Variants in PRSS16 observed in about 807,000 individuals in gnomAD.
PRSS16 encodes thymus-specific serine protease.
In PRSS16, 43 loss-of-function variants were observed where a neutral mutation model predicts 61.7. That is an observed-to-expected ratio of 0.70 (90% CI 0.55 to 0.90). The LOEUF is 0.90. Among genes scored for constraint, PRSS16 ranks in the 40% least tolerant of loss-of-function variants. The probability of loss-of-function intolerance (pLI) is 0.00; values close to 1 mark genes in which losing one functional copy is unlikely to be tolerated. For missense variants in PRSS16, 591 were observed against 659.1 expected, an observed-to-expected ratio of 0.90 and a Z score of 1.13; for synonymous variants, 273 against 285.2, an observed-to-expected ratio of 0.96 and a Z score of 0.43.
Position 27,252,161 on chromosome 6 carries a change from T to C in PRSS16, c.1008+121T>C. 1 of 1,214,760 alleles carries C rather than the reference T, an allele frequency of 8.2e-7. No homozygotes were observed. The highest frequency in any genetic ancestry group is 1.1e-6 in the Non-Finnish European group (1 of 906,318). The allele number at this position is 1,214,760 out of a possible 1,614,324, so 75.2% of individuals were successfully genotyped here. On this transcript the variant is annotated intron_variant, in intron 8 of 11. Coordinates refer to ENST00000230582, the MANE Select transcript of PRSS16 (RefSeq NM_005865.4). The surrounding 1 kb of genome is among the most constrained non-coding windows in gnomAD (Gnocchi z 4.2). The stretch of plus-strand genomic sequence containing the variant: ...AAACTTCGTTTTCTCATCTGTAAAA[T>C]GGGGATAACACTTCACAGGGCCGAT...
In PRSS16 at chr6:27,251,922, A is replaced by C; in HGVS notation, c.890A>C (p.Gln297Pro). Reference sequence around the variant, plus strand: ...CAGGCACTGGTGGGAGGTGTAGTGCAGTATGATGGGCAGACGGGAGCGCCG... The same window carrying C: ...CAGGCACTGGTGGGAGGTGTAGTGCCGTATGATGGGCAGACGGGAGCGCCG... ...ALQALVGGVVQYDGQTGAPLS... is the reference protein window; with the variant it reads ...ALQALVGGVVPYDGQTGAPLS... The change falls in exon 8 of 12, where the codon CAG becomes CCG. Residue 297 changes from glutamine to proline, a missense_variant. Coordinates refer to ENST00000230582, the MANE Select transcript of PRSS16 (RefSeq NM_005865.4). This position sits in a 1 kb window ranked among gnomAD's most constrained non-coding sequence, Gnocchi z 5.6. The C allele has an allele frequency of 6.2e-7, 1 of 1,612,710 alleles. No homozygotes were observed. Among genetic ancestry groups the C allele is most frequent in the East Asian group, 2.2e-5 (1 of 44,754 alleles).
chr6:27,254,898 G>A, intron 10 of PRSS16, 26 bp downstream of exon 10: 1 of 1,612,584 alleles, frequency 6.2e-7, no homozygotes, highest in East Asian at 2.2e-5. Flanking sequence ...AAACCTGGCT[G>A]CTAAGCCTCC....
At position 27,251,607 on chromosome 6, in the gene PRSS16, G is replaced by A; in HGVS notation, c.718-143G>A. 9.2e-7 allele frequency: 1 copy of A among 1,083,610 alleles called. No homozygotes were observed. The highest frequency in any genetic ancestry group is 2.8e-5 in the East Asian group (1 of 36,202). The allele number at this position is 1,083,610 out of a possible 1,614,324, so 67.1% of individuals were successfully genotyped here. ...GGATTGGGGGCGGGGGCCTGGGGGC[G>A]GGGGCCTGGGCCAAGAGCTAGGTCT... On this transcript the variant is annotated intron_variant, in intron 7 of 11. Coordinates refer to ENST00000230582, the MANE Select transcript of PRSS16 (RefSeq NM_005865.4). The surrounding 1 kb of genome is among the most constrained non-coding windows in gnomAD (Gnocchi z 5.6).
intron 2 of PRSS16, 89 bp downstream of exon 2, chr6:27,248,137 T>C: frequency 7.1e-7 from 1 of 1,403,818 alleles, no homozygotes; most frequent in Non-Finnish European, 9.6e-7. Flanking sequence ...TTTTTCTCTC[T>C]CCACACCTCA....
Position 27,252,858 on chromosome 6 carries a change from G to T in PRSS16, c.1059G>T (p.Glu353Asp). 5 of 1,614,162 alleles carry T rather than the reference G, an allele frequency of 3.1e-6. No homozygotes were observed. Among genetic ancestry groups the T allele is most frequent in the Non-Finnish European group, 4.2e-6 (5 of 1,180,042 alleles). ...GQKCLSFSRAETVAQLRSTEP... is the reference protein window; with the variant it reads ...GQKCLSFSRADTVAQLRSTEP... ...AGTGTTTAAGCTTTTCCCGAGCAGA[G>T]ACAGTGGCACAGCTGAGGAGCACAG... The change falls in exon 9 of 12, where the codon GAG (glutamate) becomes GAT (aspartate). Residue 353 changes from glutamate to aspartate, a missense_variant. Transcript: ENST00000230582. The surrounding 1 kb of genome is among the most constrained non-coding windows in gnomAD (Gnocchi z 4.2).
rs1432788303 is a variant in PRSS16 at position 27,252,829 on chromosome 6, C to T, written c.1030C>T (p.Gln344Ter). 4 of 1,614,034 alleles carry T rather than the reference C, an allele frequency of 2.5e-6. No homozygotes were observed. The South Asian group carries it at 4.4e-5, about 18-fold the overall frequency. ...CTAGATTGTCTTGCACAGCCTGGGC[C>T]AGAAGTGTTTAAGCTTTTCCCGAGC... ...AVQIVLHSLG[Q>*]KCLSFSRAET... The change falls in exon 9 of 12, where the codon CAG becomes TAG. Residue 344 changes from glutamine (Q) to a stop codon, truncating the protein, a stop_gained. Transcript: ENST00000230582. LOFTEE classifies it high-confidence loss of function. The surrounding 1 kb of genome is among the most constrained non-coding windows in gnomAD (Gnocchi z 4.2).
In PRSS16 at chr6:27,255,073, G is replaced by A; in HGVS notation, c.1418G>A (p.Cys473Tyr). 1 of 1,614,136 alleles carries A rather than the reference G, an allele frequency of 6.2e-7. No homozygotes were observed. Residue 473 changes from cysteine (C) to tyrosine (Y), a missense_variant, in exon 11 of 12, where the codon TGC becomes TAC. Cys to Tyr is a radical substitution (Grantham distance 194). Transcript: ENST00000230582. The surrounding 1 kb of genome is among the most constrained non-coding windows in gnomAD (Gnocchi z 4.4). ...STLLIRTGSH[C>Y]LDMAPERPSD... ...CTTCTTATCCGCACTGGCTCCCACT[G>A]CTTGGACATGGCACCTGAGAGGCCC... is the stretch of plus-strand genomic sequence containing the variant.
intron 5 of PRSS16, 99 bp from the exon 6 acceptor site, chr6:27,250,943 C>T (rs1423991864): frequency 2.3e-5 from 37 of 1,577,616 alleles, no homozygotes; most frequent in Non-Finnish European, 2.8e-5. Context: ...GCTGTCCTCA[C>T]AAGAGCCCGA....
rs771144872 is a variant in PRSS16 at position 27,252,851 on chromosome 6, G to A, written c.1052G>A (p.Arg351Gln). 6 of 1,614,084 alleles carry A rather than the reference G, an allele frequency of 3.7e-6. No individual in the cohort carries two copies. The highest frequency in any genetic ancestry group is 3.3e-5 in the South Asian group (3 of 91,068). Residue 351 changes from arginine (R) to glutamine (Q), a missense_variant, in exon 9 of 12, where the codon CGA becomes CAA. By Grantham distance (43) the Arg-to-Gln change is conservative. Coordinates refer to ENST00000230582, the MANE Select transcript of PRSS16 (RefSeq NM_005865.4). The surrounding 1 kb of genome is among the most constrained non-coding windows in gnomAD (Gnocchi z 4.2). ...GGCCAGAAGTGTTTAAGCTTTTCCCGAGCAGAGACAGTGGCACAGCTGAGG... is the reference window on the plus strand; with the variant it reads ...GGCCAGAAGTGTTTAAGCTTTTCCCAAGCAGAGACAGTGGCACAGCTGAGG... ...SLGQKCLSFS[R>Q]AETVAQLRST...
In PRSS16 at chr6:27,251,531, T is replaced by A; in HGVS notation, c.718-219T>A. Reference sequence around the variant, plus strand: ...GGCTCAAGGTGGGGCGGGGCCACAATGGAGGACGGGGCCTGCAGGGAAGAC... The same window carrying A: ...GGCTCAAGGTGGGGCGGGGCCACAAAGGAGGACGGGGCCTGCAGGGAAGAC... On this transcript the variant is annotated intron_variant, in intron 7 of 11. Coordinates refer to ENST00000230582, the MANE Select transcript of PRSS16 (RefSeq NM_005865.4). This position sits in a 1 kb window ranked among gnomAD's most constrained non-coding sequence, Gnocchi z 5.6. 8.7e-6 allele frequency: 5 copies of A among 577,264 alleles called. No homozygotes were observed. The highest frequency in any genetic ancestry group is 1.3e-5 in the Non-Finnish European group (5 of 391,288). 35.8% of individuals were successfully genotyped at this position (577,264 alleles called of 1,614,324 possible). A position where few individuals can be genotyped will look rare whatever the true frequency, so the allele number is the denominator to read the frequency against.
At position 27,248,955 on chromosome 6, in the gene PRSS16, C is replaced by T. The variant is rs904169010; in HGVS notation, c.337+9C>T. 2 of 1,597,612 alleles carry T rather than the reference C, an allele frequency of 1.3e-6. No homozygotes were observed. The highest frequency in any genetic ancestry group is 1.7e-6 in the Non-Finnish European group (2 of 1,169,414). On this transcript the variant is annotated intron_variant, in intron 3 of 11. Transcript: ENST00000230582. ...TGGCTCAGTGATGAGAGGTAAGAGGCAATGTTGGGGGAAAGGAGTTGGGAT... is the reference window on the plus strand; with the variant it reads ...TGGCTCAGTGATGAGAGGTAAGAGGTAATGTTGGGGGAAAGGAGTTGGGAT...
rs1046170274 is a variant in PRSS16, at chr6:27,253,007, A to G, written c.1150+58A>G. ...CTCAAACAACCTTTTTACTATGCCCAGAGAAGTCATCTTACAGGTGGTCTG... is the reference window on the plus strand; with the variant it reads ...CTCAAACAACCTTTTTACTATGCCCGGAGAAGTCATCTTACAGGTGGTCTG... On this transcript the variant is annotated intron_variant, in intron 9 of 11. Transcript: ENST00000230582. 8.1e-6 allele frequency: 13 copies of G among 1,610,046 alleles called. No individual in the cohort carries two copies. The Admixed American group carries it at 2.2e-4, about 27-fold the overall frequency.
In PRSS16 at chr6:27,251,321, C is replaced by T. The variant is rs560302630; in HGVS notation, c.717+57C>T. The T allele has an allele frequency of 2.9e-5, 44 of 1,541,690 alleles. No homozygotes were observed. Among genetic ancestry groups the T allele is most frequent in the African/African-American group, 2.7e-4 (20 of 72,946 alleles). On this transcript the variant is annotated intron_variant, in intron 7 of 11. Coordinates refer to ENST00000230582, the MANE Select transcript of PRSS16 (RefSeq NM_005865.4). The surrounding 1 kb of genome is among the most constrained non-coding windows in gnomAD (Gnocchi z 5.6). ...GGGAGGGAAAAGAGGCCTCGGATGC[C>T]AGGGAAGAGGAGGCCAGAGAAGGGC...
Position 27,248,925 on chromosome 6 carries a change from G to C in PRSS16, c.316G>C (p.Gly106Arg). 6.2e-7 allele frequency: 1 copy of C among 1,611,886 alleles called. No homozygotes were observed. Among genetic ancestry groups the C allele is most frequent in the Non-Finnish European group, 8.5e-7 (1 of 1,178,822 alleles). ...GCATCTAGGGGGTGAGGGCAGCCTT[G>C]GGCCTGGCTCAGTGATGAGAGGTAA... is the stretch of plus-strand genomic sequence containing the variant. ...FLHLGGEGSL[G>R]PGSVMRGHPA... The change falls in exon 3 of 12, where the codon GGG (glycine) becomes CGG (arginine). Residue 106 changes from glycine to arginine, a missense_variant. Physicochemically the swap from Gly to Arg is moderately radical, Grantham distance 125. Transcript: ENST00000230582.
At position 27,252,892 on chromosome 6, in the gene PRSS16, C is replaced by T. The variant is rs760529321; in HGVS notation, c.1093C>T (p.Leu365=). The change falls in exon 9 of 12, where the codon CTG becomes TTG. Residue 365 remains leucine, a synonymous_variant. Coordinates refer to ENST00000230582, the MANE Select transcript of PRSS16 (RefSeq NM_005865.4). The surrounding 1 kb of genome is among the most constrained non-coding windows in gnomAD (Gnocchi z 4.2). ...VAQLRSTEPQ[L]SGVGDRQWLY... Reference sequence around the variant, plus strand: ...ACAGCTGAGGAGCACAGAACCTCAACTGTCTGGTGTGGGTGACCGGCAGTG... The same window carrying T: ...ACAGCTGAGGAGCACAGAACCTCAATTGTCTGGTGTGGGTGACCGGCAGTG... The T allele has an allele frequency of 8.8e-5, 142 of 1,614,122 alleles. No homozygotes were observed. In the Admixed American group the frequency reaches 2.2e-3, roughly 25 times the overall value.
rs1759867212 is a variant in PRSS16 at position 27,250,782 on chromosome 6, C to T, written c.567C>T (p.Ser189=). The T allele has an allele frequency of 6.2e-7, 1 of 1,612,038 alleles. No individual in the cohort carries two copies. The highest frequency in any genetic ancestry group is 1.3e-5 in the African/African-American group (1 of 75,008). ...WICFGGSYAG[S]LAAWARLKFP... ...GCTTCGGAGGCTCCTATGCCGGCTC[C>T]TTGGCCGCCTGGGCCCGGCTGAAGG... Residue 189 remains serine (S), a synonymous_variant, in exon 5 of 12, where the codon TCC becomes TCT. Transcript: ENST00000230582.
In PRSS16 at chr6:27,251,613, C is replaced by T; in HGVS notation, c.718-137C>T. 1 of 1,194,708 alleles carries T rather than the reference C, an allele frequency of 8.4e-7. No homozygotes were observed. The highest frequency in any genetic ancestry group is 1.7e-5 in the South Asian group (1 of 59,818). 74.0% of individuals were successfully genotyped at this position (1,194,708 alleles called of 1,614,324 possible). ...GGGGCGGGGGCCTGGGGGCGGGGGC[C>T]TGGGCCAAGAGCTAGGTCTGCACCC... is the stretch of plus-strand genomic sequence containing the variant. On this transcript the variant is annotated intron_variant, in intron 7 of 11. Transcript: ENST00000230582. This position sits in a 1 kb window ranked among gnomAD's most constrained non-coding sequence, Gnocchi z 5.6.
At position 27,251,573 on chromosome 6, in the gene PRSS16, C is replaced by T; in HGVS notation, c.718-177C>T. ...AGGGAAGACCCGAGAAGGAGGGCTG[C>T]GAGGCAGGGGATTGGGGGCGGGGGC... On this transcript the variant is annotated intron_variant, in intron 7 of 11. Coordinates refer to ENST00000230582, the MANE Select transcript of PRSS16 (RefSeq NM_005865.4). The surrounding 1 kb of genome is among the most constrained non-coding windows in gnomAD (Gnocchi z 5.6). 6 of 440,078 alleles carry T rather than the reference C, an allele frequency of 1.4e-5. No homozygotes were observed. The highest frequency in any genetic ancestry group is 2.0e-5 in the Non-Finnish European group (6 of 305,486). The allele number at this position is 440,078 out of a possible 1,614,324, so 27.3% of individuals were successfully genotyped here.
At position 27,250,797 on chromosome 6, in the gene PRSS16, C is replaced by A; in HGVS notation, c.582C>A (p.Ala194=). The A allele has an allele frequency of 6.2e-7, 1 of 1,609,756 alleles. No homozygotes were observed. ...GSYAGSLAAW[A]RLKFPHLIFA... ...ATGCCGGCTCCTTGGCCGCCTGGGC[C>A]CGGCTGAAGGTCCTGCGACTCCTCC... The change falls in exon 5 of 12, where the codon GCC becomes GCA. Residue 194 remains alanine (A), a synonymous_variant. Transcript: ENST00000230582.
Sources: allele counts gnomAD v4.1 joint callset, GRCh38; gene constraint gnomAD v4.1.1; non-coding constraint Gnocchi (gnomAD v3.1); transcripts MANE v1.5; gene names NCBI Gene and HGNC (gene_info 2026-07-23, HGNC 2026-07-21).